LMNTD1: variants seen among roughly 807,000 people sequenced by gnomAD.
LMNTD1 encodes the protein lamin tail domain containing 1, also known as lamin tail domain-containing protein 1.
A neutral mutation model predicts 50.9 loss-of-function variants in LMNTD1; 35 were observed. The observed-to-expected ratio is 0.69, with a 90% CI of 0.53 to 0.91. The LOEUF (loss-of-function observed/expected upper bound fraction) is 0.91. Ranked by LOEUF, LMNTD1 falls within the 40% of genes least tolerant of loss-of-function variation. The pLI is 0.00. For missense variants in LMNTD1, 470 were observed against 475.5 expected (o/e 0.99, Z 0.11); for synonymous variants, 153 against 161.9 (o/e 0.94, Z 0.42).
intron 1 of LMNTD1, among the ~76,000 whole-genome samples, chr12:25,619,242 CTCTCTCTCTCTATATATATA>C (rs1298006685): frequency 2.8e-5 from 2 of 70,962 alleles, no homozygotes; most frequent in Non-Finnish European, 5.6e-5. Context: ...CTCTCTCTCT[CTCTCTCTCTCTATATATATA>C]TATATATATA....
At chr12:25,479,821 G>T (rs1344018600) in intron 9 of LMNTD1, among the ~76,000 whole-genome samples, 1 of 152,174 alleles carries the variant, frequency 6.6e-6, no homozygotes, top group East Asian at 1.9e-4. Flanking sequence ...CCACCAAGTA[G>T]CTGGCTGATC....
intron 1 of LMNTD1, among the ~76,000 whole-genome samples, chr12:25,611,012 C>T (rs531355621): frequency 6.6e-6 from 1 of 152,046 alleles, no homozygotes; most frequent in African/African-American, 2.4e-5. Context: ...TGAGTAACAC[C>T]TATTTCTAGG....
chr12:25,546,791 T>C (rs1943462756), intron 3 of LMNTD1, among the ~76,000 whole-genome samples: 1 of 151,706 alleles, frequency 6.6e-6, no homozygotes, highest in South Asian at 2.1e-4. Context: ...TCAGTTATCT[T>C]AAACAATAAA....
chr12:25,530,765 G>T (rs1942168388), intron 4 of LMNTD1, among the ~76,000 whole-genome samples: 1 of 152,192 alleles, frequency 6.6e-6, no homozygotes, highest in Non-Finnish European at 1.5e-5. Flanking sequence ...GCTGTCCAAA[G>T]ATGTCTATCT....
intron 1 of LMNTD1, among the ~76,000 whole-genome samples, chr12:25,580,493 G>A (rs182275796): frequency 1.4e-4 from 21 of 152,116 alleles, no homozygotes; most frequent in Admixed American, 1.3e-3. Context: ...AAGGGCAAGG[G>A]CTGTGCTTTA....
intron 1 of LMNTD1, among the ~76,000 whole-genome samples, chr12:25,581,077 G>A (rs1208462508): frequency 3.3e-5 from 5 of 152,166 alleles, no homozygotes; most frequent in Admixed American, 6.6e-5. Context: ...AAAGAGAGGA[G>A]GAAAAGGCAG....
At chr12:25,528,112 C>T (rs1011407572) in intron 4 of LMNTD1, among the ~76,000 whole-genome samples, 1 of 152,066 alleles carries the variant, frequency 6.6e-6, no homozygotes, top group African/African-American at 2.4e-5. Flanking sequence ...GCATTGTGGA[C>T]TAATAGTAAC....
chr12:25,630,343 G>A (rs111632859), intron 1 of LMNTD1, among the ~76,000 whole-genome samples: 2,801 of 152,128 alleles, frequency 0.018, 51 homozygotes, highest in Non-Finnish European at 0.03. Context: ...GCTCTGACTC[G>A]GACAGACAGA....
intron 1 of LMNTD1, among the ~76,000 whole-genome samples, chr12:25,577,058 A>T (rs986150900): frequency 3.2e-4 from 49 of 151,984 alleles, no homozygotes; most frequent in African/African-American, 1.1e-3. Flanking sequence ...TATATCTCTG[A>T]TTTGGTACCA....
chr12:25,637,538 G>C (rs1308717155), intron 1 of LMNTD1, among the ~76,000 whole-genome samples: 1 of 152,022 alleles, frequency 6.6e-6, no homozygotes, highest in Non-Finnish European at 1.5e-5. Context: ...TAAACCTGAA[G>C]ATAGATTGAT....
At chr12:25,639,612 A>G (rs1169982921) in intron 1 of LMNTD1, among the ~76,000 whole-genome samples, 1 of 152,200 alleles carries the variant, frequency 6.6e-6, no homozygotes, top group Non-Finnish European at 1.5e-5. Context: ...TCCTGTTCTC[A>G]AACACTAGCC....
upstream of LMNTD1, among the ~76,000 whole-genome samples, chr12:25,556,123 C>A (rs1056679149): frequency 6.6e-6 from 1 of 152,026 alleles, no homozygotes; most frequent in African/African-American, 2.4e-5. Flanking sequence ...CAGGCATGTG[C>A]CACCACGCCC....
chr12:25,621,235 G>C (rs979640373), intron 1 of LMNTD1, among the ~76,000 whole-genome samples: 13 of 152,140 alleles, frequency 8.5e-5, no homozygotes, highest in African/African-American at 3.1e-4. Flanking sequence ...TTTATTTAGA[G>C]AGAAAGAGAG....
chr12:25,624,288 A>C (rs1325963757), intron 1 of LMNTD1, among the ~76,000 whole-genome samples: 1 of 152,230 alleles, frequency 6.6e-6, no homozygotes, highest in East Asian at 1.9e-4. Context: ...ATCAGTCTTA[A>C]TCCGAATACT....
At chr12:25,574,137 T>C (rs777719295) in intron 1 of LMNTD1, among the ~76,000 whole-genome samples, 1 of 152,192 alleles carries the variant, frequency 6.6e-6, no homozygotes, top group Non-Finnish European at 1.5e-5. Flanking sequence ...AGACATCCAA[T>C]CTCCAAATCA....
intron 8 of LMNTD1, among the ~76,000 whole-genome samples, chr12:25,504,223 A>C (rs990138186): frequency 5.3e-5 from 8 of 152,196 alleles, no homozygotes; most frequent in African/African-American, 1.9e-4. Context: ...CCATAACGAC[A>C]AAGTAGCTAG....
intron 1 of LMNTD1, among the ~76,000 whole-genome samples, chr12:25,646,217 G>C (rs1357205447): frequency 6.6e-6 from 1 of 151,950 alleles, no homozygotes; most frequent in East Asian, 1.9e-4. Context: ...TGCCCACCAA[G>C]AACAGGCCTG....
At chr12:25,480,760 G>A (rs1318925176) in intron 9 of LMNTD1, among the ~76,000 whole-genome samples, 2 of 152,150 alleles carry the variant, frequency 1.3e-5, no homozygotes, top group Non-Finnish European at 2.9e-5. Flanking sequence ...AGATGCATAT[G>A]TCTTTATAGT....
chr12:25,494,756 T>C (rs572284210), intron 9 of LMNTD1, among the ~76,000 whole-genome samples: 18 of 152,296 alleles, frequency 1.2e-4, no homozygotes, highest in Admixed American at 1.0e-3. Context: ...TTTTGAGGTA[T>C]GTATACATTG....
Sources: allele counts gnomAD v4.1 joint callset (sites outside exome capture counted in the v4.1 genomes callset), GRCh38; gene constraint gnomAD v4.1.1; transcripts MANE v1.5; gene names NCBI Gene and HGNC (gene_info 2026-07-23, HGNC 2026-07-21).